The following PRKD1 variants were observed in gnomAD, a reference collection of about 807,000 sequenced individuals.
PRKD1 encodes the protein serine/threonine-protein kinase D1.
Under a neutral mutation model 95.9 loss-of-function variants are expected in PRKD1, and 63 were observed. The ratio of observed to expected loss-of-function variants is 0.66; its 90% CI spans 0.54 to 0.81. PRKD1 has a LOEUF of 0.81. PRKD1 is among the 30% of genes least tolerant of loss of function. The probability of loss-of-function intolerance (pLI) is 0.00; values close to 1 mark genes in which losing one functional copy is unlikely to be tolerated. For missense variants in PRKD1, 1,048 were observed against 1,165.3 expected (o/e 0.90, Z 1.47); for synonymous variants, 425 against 423.1 (o/e 1.00, Z -0.05).
At chr14:29,869,036 C>A (rs901133333) in intron 1 of PRKD1, among the ~76,000 whole-genome samples, 1 of 152,138 alleles carries the variant, frequency 6.6e-6, no homozygotes, top group African/African-American at 2.4e-5. Flanking sequence ...AAAATCAAAG[C>A]AAAACATAAT....
intron 1 of PRKD1, among the ~76,000 whole-genome samples, chr14:29,832,408 C>T (rs554961150): frequency 1.3e-5 from 2 of 152,138 alleles, no homozygotes; most frequent in East Asian, 3.9e-4. Context: ...TTGCATTTCT[C>T]TTATTGATTT....
intron 3 of PRKD1, among the ~76,000 whole-genome samples, chr14:29,664,456 A>G (rs1370321598): frequency 6.6e-6 from 1 of 152,142 alleles, no homozygotes; most frequent in Non-Finnish European, 1.5e-5. Flanking sequence ...GTTTCTTTTC[A>G]ATATTTTTAA....
At chr14:29,821,445 CCTGA>C (rs550122312) in intron 1 of PRKD1, among the ~76,000 whole-genome samples, 64 of 152,242 alleles carry the variant, frequency 4.2e-4, no homozygotes, top group African/African-American at 1.5e-3. Context: ...TTTGCTAGAT[CCTGA>C]CTATGATATT....
intron 1 of PRKD1, among the ~76,000 whole-genome samples, chr14:29,830,560 AG>A (rs1466995024): frequency 1.3e-5 from 2 of 152,218 alleles, no homozygotes; most frequent in African/African-American, 4.8e-5. Context: ...GACTTAAGAA[AG>A]GGTATGGTTC....
intron 1 of PRKD1, among the ~76,000 whole-genome samples, chr14:29,850,672 A>C (rs952043286): frequency 3.3e-5 from 5 of 152,148 alleles, no homozygotes; most frequent in African/African-American, 1.2e-4. Flanking sequence ...CTATAGATTC[A>C]ACACCACTCC....
chr14:29,922,574 G>C (rs1286017406), intron 1 of PRKD1, among the ~76,000 whole-genome samples: 1 of 152,020 alleles, frequency 6.6e-6, no homozygotes, highest in Non-Finnish European at 1.5e-5. Context: ...TATTAAACTT[G>C]AAAAGAAATT....
intron 1 of PRKD1, chr14:29,812,040 A>G (rs1484784218): frequency 6.6e-6 from 1 of 152,174 alleles, no homozygotes; most frequent in African/African-American, 2.4e-5. Flanking sequence ...CTAAATACAC[A>G]TACACATACA....
At chr14:29,731,831 A>C (rs977871282) in intron 1 of PRKD1, among the ~76,000 whole-genome samples, 1 of 143,438 alleles carries the variant, frequency 7.0e-6, no homozygotes, top group Non-Finnish European at 1.5e-5. Flanking sequence ...CGTATATATG[A>C]CTCCCTCATC....
At chr14:29,768,583 A>G (rs188509234) in intron 1 of PRKD1, among the ~76,000 whole-genome samples, 187 of 152,124 alleles carry the variant, frequency 1.2e-3, no homozygotes, top group Non-Finnish European at 2.2e-3. Context: ...GGATCCCCAC[A>G]TGTGTATCTG....
chr14:29,741,032 CT>C (rs1301164082), intron 1 of PRKD1, among the ~76,000 whole-genome samples: 4 of 152,168 alleles, frequency 2.6e-5, no homozygotes, highest in African/African-American at 9.7e-5. Context: ...CATCTTCTCA[CT>C]TATAAGCGGG....
At chr14:29,772,460 T>C (rs1402982041) in intron 1 of PRKD1, among the ~76,000 whole-genome samples, 3 of 152,176 alleles carry the variant, frequency 2.0e-5, no homozygotes, top group Non-Finnish European at 4.4e-5. Context: ...ATTTCTGTTG[T>C]TTATCAGTCA....
intron 1 of PRKD1, among the ~76,000 whole-genome samples, chr14:29,757,814 A>T (rs1352026418): frequency 2.0e-5 from 3 of 151,908 alleles, no homozygotes; most frequent in Non-Finnish European, 4.4e-5. Context: ...CCAAATAGGG[A>T]GTTTTGGGGA....
intron 1 of PRKD1, among the ~76,000 whole-genome samples, chr14:29,894,236 G>A (rs369089579): frequency 2.0e-5 from 3 of 152,220 alleles, no homozygotes; most frequent in Non-Finnish European, 4.4e-5. Context: ...AGGCGGGGGA[G>A]TATAAGGAAC....
intron 1 of PRKD1, among the ~76,000 whole-genome samples, chr14:29,743,693 C>T (rs1887085947): frequency 6.6e-6 from 1 of 152,198 alleles, no homozygotes; most frequent in Admixed American, 6.5e-5. Flanking sequence ...TGCATGCACG[C>T]TCCCTTGAAT....
intron 1 of PRKD1, among the ~76,000 whole-genome samples, chr14:29,916,072 A>G (rs955791007): frequency 6.6e-6 from 1 of 152,206 alleles, no homozygotes; most frequent in Non-Finnish European, 1.5e-5. Context: ...TCTGCTGGCC[A>G]TTGTACTGTG....
chr14:29,907,017 G>C (rs1049429238), intron 1 of PRKD1, among the ~76,000 whole-genome samples: 2 of 152,166 alleles, frequency 1.3e-5, no homozygotes, highest in Non-Finnish European at 2.9e-5. Flanking sequence ...ATCTTGAAAT[G>C]TTTTTCATAA....
rs188556027 is a variant in PRKD1 at position 29,872,227 on chromosome 14, G to A, written c.264+55022C>T. 8.5e-5 allele frequency among the ~76,000 whole-genome samples: 13 copies of A among 152,124 alleles called. No individual in the cohort carries two copies. The East Asian group carries it at 1.4e-3, about 16-fold the overall frequency. On this transcript the variant is annotated intron_variant, in intron 1 of 17. Coordinates refer to ENST00000331968, the MANE Select transcript of PRKD1 (RefSeq NM_002742.3). ...AGGAGAGGAAATTCAAGCTATTCACGCAATTAAAAAACAGAAGCATACAAT... is the reference window on the plus strand; with the variant it reads ...AGGAGAGGAAATTCAAGCTATTCACACAATTAAAAAACAGAAGCATACAAT...
intron 1 of PRKD1, among the ~76,000 whole-genome samples, chr14:29,838,494 T>C (rs968214870): frequency 3.9e-5 from 6 of 152,134 alleles, no homozygotes; most frequent in Non-Finnish European, 8.8e-5. Context: ...TTTTTAGACA[T>C]ATAAGAGGTT....
chr14:29,618,447 G>T (rs1879018502), intron 13 of PRKD1, among the ~76,000 whole-genome samples: 1 of 151,930 alleles, frequency 6.6e-6, no homozygotes. Context: ...GTAGACATGG[G>T]GTTTCACCGT....
Sources: gnomAD v4.1 joint callset for allele counts (sites outside exome capture counted in the v4.1 genomes callset) on GRCh38, gnomAD v4.1.1 for gene constraint, MANE v1.5 for transcripts, NCBI Gene and HGNC (gene_info 2026-07-23, HGNC 2026-07-21) for gene names.